NLGN4Y: variants seen among roughly 807,000 people sequenced by gnomAD.
The protein encoded by NLGN4Y is neuroligin 4 Y-linked, also known as neuroligin-4, Y-linked.
Under a neutral mutation model 8.4 loss-of-function variants are expected in NLGN4Y, and 4 were observed. That is an observed-to-expected ratio of 0.48 (90% CI 0.23 to 1.09). The LOEUF is 1.09. Ranked by LOEUF, NLGN4Y falls within the 50% of genes least tolerant of loss-of-function variation. The pLI is 0.19. For missense variants in NLGN4Y, 90 were observed against 192.3 expected (o/e 0.47, Z 3.15); for synonymous variants, 35 against 75.6 (o/e 0.46, Z 2.78).
intron 1 of NLGN4Y, among the ~76,000 whole-genome samples, chrY:14,546,753 T>A: frequency 3.0e-5 from 1 of 33,281 alleles, no homozygotes; most frequent in African/African-American, 1.2e-4. Context: ...CTTTTCCTAA[T>A]CGGATACCTT....
intron 2 of NLGN4Y, among the ~76,000 whole-genome samples, chrY:14,671,289 G>A (rs752604851): frequency 6.1e-5 from 2 of 32,985 alleles, no homozygotes; most frequent in Non-Finnish European, 1.5e-4. Context: ...GCTTTGTTTG[G>A]GAGACCAAGG....
At chrY:14,792,614 G>T (rs2042989261) in intron 4 of NLGN4Y, among the ~76,000 whole-genome samples, 1 of 26,971 alleles carries the variant, frequency 3.7e-5, no homozygotes, top group Non-Finnish European at 8.5e-5. Flanking sequence ...CCTGACTAAA[G>T]CCTGTCTCTA....
chrY:14,643,200 A>G (rs2080597320), intron 2 of NLGN4Y, among the ~76,000 whole-genome samples: 2 of 33,441 alleles, frequency 6.0e-5, no homozygotes, highest in Non-Finnish European at 1.5e-4. Context: ...CTTAAGCTGG[A>G]TGCAAGTAAG....
At chrY:14,667,395 GA>G (rs2080695446) in intron 2 of NLGN4Y, among the ~76,000 whole-genome samples, 1 of 31,896 alleles carries the variant, frequency 3.1e-5, no homozygotes, top group Non-Finnish European at 7.7e-5. Context: ...GATGAAGTTG[GA>G]AAACACACAC....
intron 1 of NLGN4Y, among the ~76,000 whole-genome samples, chrY:14,532,716 C>G: frequency 3.1e-5 from 1 of 32,593 alleles, no homozygotes; most frequent in East Asian, 8.2e-4. Flanking sequence ...GTATGGATTA[C>G]TTTCTTTCAT....
At chrY:14,655,405 C>T (rs764473012) in intron 2 of NLGN4Y, among the ~76,000 whole-genome samples, 1 of 30,804 alleles carries the variant, frequency 3.2e-5, no homozygotes, top group Admixed American at 3.1e-4. Flanking sequence ...ACTTCTACTT[C>T]CATCTTCCAT....
chrY:14,532,704 A>G (rs2080118738), intron 1 of NLGN4Y, among the ~76,000 whole-genome samples: 2 of 33,274 alleles, frequency 6.0e-5, no homozygotes, highest in East Asian at 1.6e-3. Context: ...TTTTTAGTTC[A>G]GGTATGGATT....
At chrY:14,583,524 C>G (rs2080326990) in intron 1 of NLGN4Y, among the ~76,000 whole-genome samples, 2 of 33,345 alleles carry the variant, frequency 6.0e-5, no homozygotes, top group African/African-American at 1.2e-4. Context: ...TAAGATGGGA[C>G]CAGAGAAAAA....
At chrY:14,778,896 T>C (rs2081136838) in intron 4 of NLGN4Y, among the ~76,000 whole-genome samples, 1 of 33,087 alleles carries the variant, frequency 3.0e-5, no homozygotes, top group Non-Finnish European at 7.4e-5. Flanking sequence ...CACTCTGCTA[T>C]GCTACCAAAT....
At chrY:14,591,252 T>A in intron 1 of NLGN4Y, among the ~76,000 whole-genome samples, 1 of 32,886 alleles carries the variant, frequency 3.0e-5, no homozygotes, top group Non-Finnish European at 7.5e-5. Context: ...GAACTGGTTA[T>A]GTATGTTAAA....
chrY:14,571,980 A>G, intron 1 of NLGN4Y, among the ~76,000 whole-genome samples: 1 of 31,655 alleles, frequency 3.2e-5, no homozygotes, highest in Non-Finnish European at 7.7e-5. Flanking sequence ...TACCAGTACC[A>G]TGCTGTTTTG....
At chrY:14,808,617 G>A (rs2043065203) in intron 4 of NLGN4Y, among the ~76,000 whole-genome samples, 1 of 34,083 alleles carries the variant, frequency 2.9e-5, no homozygotes, top group African/African-American at 1.1e-4. Flanking sequence ...GACACTTCTG[G>A]AAAGAGGTCT....
At chrY:14,823,018 T>C in intron 4 of NLGN4Y, among the ~76,000 whole-genome samples, 1 of 33,018 alleles carries the variant, frequency 3.0e-5, no homozygotes, top group South Asian at 6.8e-4. Context: ...ATTGTCATTG[T>C]AGGAAAAAAA....
Position 14,809,931 on chromosome Y carries a change from A to T in NLGN4Y, c.686-14257A>T, listed in dbSNP as rs762478424. 8.9e-5 allele frequency among the ~76,000 whole-genome samples: 3 copies of T among 33,720 alleles called. No individual in the cohort carries two copies. The South Asian group carries it at 2.0e-3, about 23-fold the overall frequency. The allele number at this position is 33,720 out of a possible 37,273, so 90.5% of individuals were successfully genotyped here. On this transcript the variant is annotated intron_variant, in intron 4 of 6. Transcript: ENST00000684976. ...TTTATGCATCAGAATAAAGATTTTC[A>T]TAGAAAAACCATTCAAAGCATTAGG... is the stretch of plus-strand genomic sequence containing the variant.
chrY:14,564,552 G>C (rs2080244826), intron 1 of NLGN4Y, among the ~76,000 whole-genome samples: 8 of 33,826 alleles, frequency 2.4e-4, no homozygotes, highest in Non-Finnish European at 7.3e-5. Context: ...CAAGTTGGCT[G>C]TGCCCAGACT....
At chrY:14,788,832 C>T (rs2042976459) in intron 4 of NLGN4Y, among the ~76,000 whole-genome samples, 1 of 33,081 alleles carries the variant, frequency 3.0e-5, no homozygotes, top group African/African-American at 1.2e-4. Context: ...ACACACCCAT[C>T]CGGGTGGACA....
intron 2 of NLGN4Y, among the ~76,000 whole-genome samples, chrY:14,650,449 T>C (rs746631311): frequency 2.9e-5 from 1 of 34,009 alleles, no homozygotes; most frequent in South Asian, 6.5e-4. Flanking sequence ...TCCATCGACA[T>C]ATTTTTCTTT....
At chrY:14,533,738 T>C in intron 1 of NLGN4Y, among the ~76,000 whole-genome samples, 1 of 32,958 alleles carries the variant, frequency 3.0e-5, no homozygotes, top group Non-Finnish European at 7.4e-5. Flanking sequence ...CCTAGAGCTT[T>C]GCCTCCCCCT....
At chrY:14,638,893 G>A (rs2080578540) in intron 2 of NLGN4Y, among the ~76,000 whole-genome samples, 5 of 33,872 alleles carry the variant, frequency 1.5e-4, no homozygotes, top group African/African-American at 5.8e-4. Context: ...TCAAAAAAAA[G>A]TTATGTTGAT....
Sources: allele counts gnomAD v4.1 joint callset (sites outside exome capture counted in the v4.1 genomes callset), GRCh38; gene constraint gnomAD v4.1.1; transcripts MANE v1.5; gene names NCBI Gene and HGNC (gene_info 2026-07-23, HGNC 2026-07-21).